The following PLEKHA2 variants were observed in gnomAD, a reference collection of about 807,000 sequenced individuals.
PLEKHA2 encodes the protein pleckstrin homology domain containing A2.
PLEKHA2 carries 28 observed loss-of-function variants against 53.2 expected under a neutral mutation model. The observed-to-expected ratio is 0.53, with a 90% CI of 0.39 to 0.72. The LOEUF is 0.72. PLEKHA2 is among the 30% of genes least tolerant of loss of function. The pLI is 0.00. For synonymous variants in PLEKHA2, 193 were observed against 196.4 expected, an observed-to-expected ratio of 0.98 and a Z score of 0.14; for missense variants, 426 against 537.9, an observed-to-expected ratio of 0.79 and a Z score of 2.06.
intron 1 of PLEKHA2, among the ~76,000 whole-genome samples, chr8:38,903,706 G>T (rs921418771): frequency 3.3e-5 from 5 of 152,202 alleles, no homozygotes; most frequent in Non-Finnish European, 7.3e-5. Flanking sequence ...AGATGGACAG[G>T]TGGGTGATGC....
intron 2 of PLEKHA2, among the ~76,000 whole-genome samples, chr8:38,925,682 G>T (rs572856346): frequency 6.6e-6 from 1 of 152,322 alleles, no homozygotes; most frequent in African/African-American, 2.4e-5. Context: ...CATTGATGGG[G>T]TGAAGAGCGT....
chr8:38,929,317 G>A (rs1834346171), intron 2 of PLEKHA2, among the ~76,000 whole-genome samples: 5 of 152,218 alleles, frequency 3.3e-5, no homozygotes, highest in Admixed American at 3.3e-4. Flanking sequence ...CTGGTCTATT[G>A]GAGTTTGGCA....
chr8:38,954,565 AG>A (rs1834903165), intron 9 of PLEKHA2, among the ~76,000 whole-genome samples: 1 of 152,180 alleles, frequency 6.6e-6, no homozygotes. Flanking sequence ...AACTGAGTTA[AG>A]GAAGTCAGGG....
intron 2 of PLEKHA2, among the ~76,000 whole-genome samples, chr8:38,925,466 G>C (rs1834269453): frequency 6.6e-6 from 1 of 152,104 alleles, no homozygotes; most frequent in African/African-American, 2.4e-5. Flanking sequence ...CTAGATTGCT[G>C]GTCTTGTCAA....
At chr8:38,921,606 G>T (rs1185961314) in intron 2 of PLEKHA2, among the ~76,000 whole-genome samples, 1 of 152,230 alleles carries the variant, frequency 6.6e-6, no homozygotes, top group East Asian at 1.9e-4. Context: ...GCTCTCTGGG[G>T]TCAGCCTCTG....
chr8:38,934,056 T>A (rs1055924515), intron 2 of PLEKHA2, among the ~76,000 whole-genome samples: 1 of 151,960 alleles, frequency 6.6e-6, no homozygotes, highest in Non-Finnish European at 1.5e-5. Context: ...GCGATGTATG[T>A]TAATTTAGAT....
At chr8:38,943,690 T>G (rs542100751) in intron 3 of PLEKHA2, 99 bp from the exon 4 acceptor site, 1 of 851,042 alleles carries the variant, frequency 1.2e-6, no homozygotes, top group Non-Finnish European at 1.8e-6. Flanking sequence ...TGTAGACATA[T>G]GTTTAATGTA....
chr8:38,947,918 C>T (rs11782233), intron 5 of PLEKHA2, among the ~76,000 whole-genome samples: 17,911 of 151,680 alleles, frequency 0.12, 1,253 homozygotes, highest in East Asian at 0.22. Flanking sequence ...GAAACCCCGT[C>T]TCTACTAAAA....
At chr8:38,957,233 T>C (rs1463255911) in intron 9 of PLEKHA2, 90 bp from the exon 10 acceptor site, 11 of 1,026,280 alleles carry the variant, frequency 1.1e-5, no homozygotes, top group Non-Finnish European at 1.3e-5. Flanking sequence ...CTTCCTTTTT[T>C]ATGGTAGAGG....
intron 1 of PLEKHA2, among the ~76,000 whole-genome samples, chr8:38,904,655 T>G (rs957692891): frequency 5.9e-5 from 9 of 152,186 alleles, no homozygotes; most frequent in South Asian, 2.1e-4. Context: ...TGGAGAATTT[T>G]TAGAGATGTA....
At position 38,905,185 on chromosome 8, in the gene PLEKHA2, C is replaced by T. The variant is rs941426185; in HGVS notation, c.-24+3740C>T. Among the ~76,000 whole-genome samples the T allele has an allele frequency of 3.3e-5, 5 of 152,014 alleles. No individual in the cohort carries two copies. The East Asian group carries it at 5.8e-4, about 18-fold the overall frequency. On this transcript the variant is annotated intron_variant, in intron 1 of 11. Transcript: ENST00000617275. ...AAAAATACTCATATTGGCTGGATGCCGTGGCTCATCTCTGTAATCCCAGGG... is the reference window on the plus strand; with the variant it reads ...AAAAATACTCATATTGGCTGGATGCTGTGGCTCATCTCTGTAATCCCAGGG...
intron 1 of PLEKHA2, among the ~76,000 whole-genome samples, chr8:38,902,220 T>TG (rs58621785): frequency 0.047 from 4,590 of 98,290 alleles, 132 homozygotes; most frequent in Non-Finnish European, 0.059. Flanking sequence ...AAGAAGGGTG[T>TG]GGGGGGGGGT....
intron 10 of PLEKHA2, among the ~76,000 whole-genome samples, chr8:38,960,565 A>ATTTTTC (rs1835023658): frequency 6.6e-6 from 1 of 152,254 alleles, no homozygotes; most frequent in Non-Finnish European, 1.5e-5. Context: ...TTTCTAAAAA[A>ATTTTTC]TAGCAAGAAT....
rs1001819775 is a variant in PLEKHA2 at position 38,957,521 on chromosome 8, A to G, written c.837+135A>G. 20 of 686,410 alleles carry G rather than the reference A, an allele frequency of 2.9e-5. No homozygotes were observed. In the South Asian group the frequency reaches 3.6e-4, roughly 13 times the overall value. The allele number at this position is 686,410 out of a possible 1,614,324, so 42.5% of individuals were successfully genotyped here. A position where few individuals can be genotyped will look rare whatever the true frequency, so the allele number is the denominator to read the frequency against. ...GCAGTAAATTTAGCCCCTGAGAGTCAGTCTGAGTCCCATTTCATCCTAAAC... is the reference window on the plus strand; with the variant it reads ...GCAGTAAATTTAGCCCCTGAGAGTCGGTCTGAGTCCCATTTCATCCTAAAC... On this transcript the variant is annotated intron_variant, in intron 10 of 11. Transcript: ENST00000617275.
chr8:38,971,961 C>T lies in PLEKHA2; in HGVS notation c.*2178C>T, dbSNP rs1031046622. ...GACTCCATCTCAAAAAAAAAATTAT[C>T]TGATAGGTTACTATTGCTAAATTAA... On this transcript the variant is annotated 3_prime_UTR_variant, in exon 12 of 12. Coordinates refer to ENST00000617275, the MANE Select transcript of PLEKHA2 (RefSeq NM_021623.2). 3 of 151,786 alleles carry T rather than the reference C, an allele frequency of 2.0e-5. No homozygotes were observed. The highest frequency in any genetic ancestry group is 6.6e-5 in the Admixed American group (1 of 15,228). 9.4% of individuals were successfully genotyped at this position (151,786 alleles called of 1,614,324 possible).
At chr8:38,954,152 G>A (rs1173826914) in intron 9 of PLEKHA2, among the ~76,000 whole-genome samples, 1 of 152,146 alleles carries the variant, frequency 6.6e-6, no homozygotes, top group African/African-American at 2.4e-5. Context: ...ATATCATCAG[G>A]AAAGCTGTTC....
intron 10 of PLEKHA2, among the ~76,000 whole-genome samples, chr8:38,967,313 A>G (rs1835157278): frequency 6.6e-6 from 1 of 152,146 alleles, no homozygotes; most frequent in Non-Finnish European, 1.5e-5. Flanking sequence ...GTTTTATTTT[A>G]GGTTTGGGGG....
chr8:38,944,463 G>C (rs1321706502), intron 4 of PLEKHA2, among the ~76,000 whole-genome samples: 1 of 151,714 alleles, frequency 6.6e-6, no homozygotes, highest in African/African-American at 2.4e-5. Context: ...GTTGCAGTGA[G>C]CTGATTTCAG....
chr8:38,913,418 A>G (rs1456031868), intron 1 of PLEKHA2, among the ~76,000 whole-genome samples: 5 of 151,992 alleles, frequency 3.3e-5, no homozygotes, highest in African/African-American at 9.7e-5. Context: ...GCAGGCTAAA[A>G]AGGGGAAATT....
Sources: allele counts gnomAD v4.1 joint callset (sites outside exome capture counted in the v4.1 genomes callset), GRCh38; gene constraint gnomAD v4.1.1; transcripts MANE v1.5; gene names NCBI Gene and HGNC (gene_info 2026-07-23, HGNC 2026-07-21).